The following AOPEP variants were observed in gnomAD, a reference collection of about 807,000 sequenced individuals.
AOPEP encodes aminopeptidase O.
In AOPEP, 77 loss-of-function variants were observed where a neutral mutation model predicts 98.1. The ratio of observed to expected loss-of-function variants is 0.78; its 90% confidence interval spans 0.65 to 0.95. The LOEUF (loss-of-function observed/expected upper bound fraction) is 0.95. AOPEP is among the 40% of genes least tolerant of loss of function. AOPEP has a pLI of 0.00. For missense variants in AOPEP, 1,024 were observed against 1,024.7 expected (o/e 1.00, Z 0.01); for synonymous variants, 346 against 365.3 (o/e 0.95, Z 0.60).
intron 3 of AOPEP, among the ~76,000 whole-genome samples, chr9:94,779,682 A>G (rs1186129374): frequency 6.6e-6 from 1 of 151,356 alleles, no homozygotes. Context: ...TGATATAAAT[A>G]TATAAATATA....
intron 7 of AOPEP, among the ~76,000 whole-genome samples, chr9:94,948,885 C>G (rs2137771729): frequency 6.6e-6 from 1 of 152,322 alleles, no homozygotes; most frequent in Non-Finnish European, 1.5e-5. Flanking sequence ...TGTCCTGGGC[C>G]TTCTCCACTA....
At chr9:94,788,010 A>C (rs1207400670) in intron 3 of AOPEP, among the ~76,000 whole-genome samples, 4 of 152,098 alleles carry the variant, frequency 2.6e-5, no homozygotes, top group Non-Finnish European at 4.4e-5. Flanking sequence ...CCCCCTTCCT[A>C]AAATCCTGTC....
chr9:94,756,624 C>T (rs986856436), intron 1 of AOPEP, among the ~76,000 whole-genome samples: 2 of 152,062 alleles, frequency 1.3e-5, no homozygotes, highest in Non-Finnish European at 2.9e-5. Flanking sequence ...ACACTTCTTC[C>T]CCACTTCTCA....
chr9:94,846,572 C>G (rs2063032266), intron 5 of AOPEP, among the ~76,000 whole-genome samples: 3 of 152,174 alleles, frequency 2.0e-5, no homozygotes, highest in Admixed American at 2.0e-4. Context: ...AACAGTCTAT[C>G]AGAGCACATT....
chr9:95,005,535 A>G lies in AOPEP; in HGVS notation c.2041-7A>G, dbSNP rs1275935444. ...TTCTTTGAAATGCTGTGGTTTTTGA[A>G]CCTCAGGTCACGAAATGGATTGGAG... On this transcript the variant is annotated splice_polypyrimidine_tract_variant and splice_region_variant and intron_variant, in intron 12 of 16. Coordinates refer to ENST00000375315, the MANE Select transcript of AOPEP (RefSeq NM_001193329.3). 6.2e-7 allele frequency: 1 copy of G among 1,613,236 alleles called. No individual in the cohort carries two copies. The highest frequency in any genetic ancestry group is 8.5e-7 in the Non-Finnish European group (1 of 1,179,492).
chr9:95,006,755 C>T (rs2062053787), intron 13 of AOPEP, among the ~76,000 whole-genome samples: 1 of 151,918 alleles, frequency 6.6e-6, no homozygotes, highest in South Asian at 2.1e-4. Context: ...CTGACCATAC[C>T]TCAGCATGGT....
chr9:94,798,681 C>T (rs895870017), intron 4 of AOPEP, among the ~76,000 whole-genome samples: 7 of 152,170 alleles, frequency 4.6e-5, no homozygotes, highest in South Asian at 2.1e-4. Flanking sequence ...TGTGGTTTAA[C>T]ACGATCTGAA....
rs368707611 is a variant in AOPEP, at chr9:94,732,621, A to T, written c.-136+5870A>T. On this transcript the variant is annotated intron_variant, in intron 1 of 16. Coordinates refer to ENST00000375315, the MANE Select transcript of AOPEP (RefSeq NM_001193329.3). ...CTTAAATATGAGGATTTCTAAGAAA[A>T]AGATATTACCTCAAGAAAGAGTGAT... Among the ~76,000 whole-genome samples the T allele has an allele frequency of 3.9e-5, 6 of 152,310 alleles. No individual in the cohort carries two copies. The East Asian group carries it at 5.8e-4, about 15-fold the overall frequency.
chr9:94,730,782 T>C (rs1400851717), intron 1 of AOPEP, among the ~76,000 whole-genome samples: 1 of 152,192 alleles, frequency 6.6e-6, no homozygotes, highest in Non-Finnish European at 1.5e-5. Flanking sequence ...TTTCTCAGGA[T>C]TGTGTAGTCA....
At chr9:94,924,223 A>G in intron 6 of AOPEP, 48 bp downstream of exon 6, 1 of 1,294,238 alleles carries the variant, frequency 7.7e-7, no homozygotes, top group Non-Finnish European at 1.0e-6. Context: ...GTCAAATTCC[A>G]TTTCTGGTCA....
At chr9:94,741,566 C>T (rs908400933) in intron 1 of AOPEP, among the ~76,000 whole-genome samples, 3 of 152,066 alleles carry the variant, frequency 2.0e-5, no homozygotes, top group Non-Finnish European at 2.9e-5. Flanking sequence ...CCACTGCACC[C>T]GGCCTTCCCC....
the AOPEP span, among the ~76,000 whole-genome samples, chr9:95,095,394 G>A: frequency 3.3e-4 from 51 of 152,302 alleles, no homozygotes; most frequent in African/African-American, 1.0e-3. Flanking sequence ...AGCCCCTGCC[G>A]TCCCGTTCCC....
chr9:94,756,229 CAG>C (rs1392805301), intron 1 of AOPEP, among the ~76,000 whole-genome samples: 3 of 135,334 alleles, frequency 2.2e-5, no homozygotes, highest in Non-Finnish European at 4.6e-5. Flanking sequence ...CACTGGGTGA[CAG>C]AGCAAGACTC....
intron 13 of AOPEP, among the ~76,000 whole-genome samples, chr9:95,015,731 C>T (rs1449743504): frequency 6.6e-6 from 1 of 152,182 alleles, no homozygotes; most frequent in Non-Finnish European, 1.5e-5. Context: ...ATAAGCCCTC[C>T]TTCAGGCTGA....
intron 13 of AOPEP, among the ~76,000 whole-genome samples, chr9:95,012,987 T>TGG (rs567654479): frequency 0.054 from 3,358 of 62,336 alleles, 169 homozygotes; most frequent in East Asian, 0.14. Context: ...GTTTTTTTTT[T>TGG]GGGGGGGGGG....
chr9:95,080,807 G>T, intron 15 of AOPEP, 27 bp downstream of exon 15: 1 of 1,510,176 alleles, frequency 6.6e-7, no homozygotes, highest in East Asian at 2.3e-5. Context: ...AGCAGATGGG[G>T]ATTCTGTAAA....
intron 5 of AOPEP, among the ~76,000 whole-genome samples, chr9:94,875,229 C>A (rs2046776073): frequency 6.6e-6 from 1 of 151,286 alleles, no homozygotes; most frequent in South Asian, 2.1e-4. Context: ...TGTTTTTTCA[C>A]CCACATGATT....
At chr9:95,001,831 G>A (rs1490285826) in intron 11 of AOPEP, among the ~76,000 whole-genome samples, 1 of 152,026 alleles carries the variant, frequency 6.6e-6, no homozygotes, top group Non-Finnish European at 1.5e-5. Context: ...AGGCTGGAGT[G>A]CAGTGGTGCC....
At chr9:95,113,164 T>C in the AOPEP span, among the ~76,000 whole-genome samples, 3 of 152,190 alleles carry the variant, frequency 2.0e-5, no homozygotes, top group East Asian at 1.9e-4. Flanking sequence ...GCAGCCTCCA[T>C]TGGCTGCAGG....
Sources: allele counts gnomAD v4.1 joint callset (sites outside exome capture counted in the v4.1 genomes callset), GRCh38; gene constraint gnomAD v4.1.1; transcripts MANE v1.5; gene names NCBI Gene and HGNC (gene_info 2026-07-23, HGNC 2026-07-21).